Variants in ECD observed in about 807,000 individuals in gnomAD.
ECD encodes the protein ecdysoneless cell cycle regulator, also known as protein ecdysoneless homolog.
In ECD, 59 loss-of-function variants were observed where a neutral mutation model predicts 77.2. That is an observed-to-expected ratio of 0.76 (90% confidence interval 0.62 to 0.95). ECD has a LOEUF of 0.95. Among genes scored for constraint, ECD ranks in the 40% least tolerant of loss-of-function variants. The probability of loss-of-function intolerance (pLI) is 0.00; values close to 1 mark genes in which losing one functional copy is unlikely to be tolerated. For missense variants in ECD, 704 were observed against 763.4 expected, an observed-to-expected ratio of 0.92 and a Z score of 0.92; for synonymous variants, 233 against 267.4, an observed-to-expected ratio of 0.87 and a Z score of 1.26.
At chr10:73,160,411 A>T (rs1589121828) in intron 3 of ECD, 23 bp downstream of exon 3, 1 of 1,487,370 alleles carries the variant, frequency 6.7e-7, no homozygotes, top group African/African-American at 1.4e-5. Flanking sequence ...ATTCCTTTAG[A>T]ATAATTAAAA....
intron 2 of ECD, 97 bp downstream of exon 2, chr10:73,163,636 T>C: frequency 8.1e-7 from 1 of 1,228,158 alleles, no homozygotes; most frequent in African/African-American, 1.5e-5. Flanking sequence ...ATTAATCTCT[T>C]CCTGGCAACA....
intron 9 of ECD, among the ~76,000 whole-genome samples, chr10:73,144,219 A>C (rs1843095318): frequency 6.6e-6 from 1 of 152,182 alleles, no homozygotes; most frequent in Non-Finnish European, 1.5e-5. Flanking sequence ...TTATTGATGG[A>C]TACTTTGGTT....
rs755484131 is a variant in ECD at position 73,139,630 on chromosome 10, C to T, written c.1234+1G>A. On this transcript the variant is annotated splice_donor_variant, in intron 10 of 13. Transcript: ENST00000372979. LOFTEE classifies it high-confidence loss of function. The stretch of plus-strand genomic sequence containing the variant: ...CCACTGTATCCTGGTCCATCACTTA[C>T]CATCCTCTGGGGGAAGATTAGCTGC... 3 of 1,605,058 alleles carry T rather than the reference C, an allele frequency of 1.9e-6. No homozygotes were observed. In the South Asian group the frequency reaches 3.4e-5, roughly 18 times the overall value.
Position 73,156,272 on chromosome 10 carries a change from T to C in ECD, c.590+3A>G. ...TTAGCAATGAAAGTGATATTTTTCT[T>C]ACCCTCTGATGCGCCTATTCACAGC... On this transcript the variant is annotated splice_donor_region_variant and intron_variant, in intron 5 of 13. Transcript: ENST00000372979. The C allele has an allele frequency of 6.4e-7, 1 of 1,559,538 alleles. No homozygotes were observed. The highest frequency in any genetic ancestry group is 8.6e-7 in the Non-Finnish European group (1 of 1,157,902).
chr10:73,137,964 C>T lies in ECD; in HGVS notation c.1489+39G>A, dbSNP rs376391394. 18 of 1,477,106 alleles carry T rather than the reference C, an allele frequency of 1.2e-5. No individual in the cohort carries two copies. In the African/African-American group the frequency reaches 1.9e-4, roughly 16 times the overall value. The allele number at this position is 1,477,106 out of a possible 1,614,324, so 91.5% of individuals were successfully genotyped here. ...GCTCTAGCAACAGCCATACTACTAA[C>T]AGTTTCAAAATGAAAGTCAACATCA... On this transcript the variant is annotated intron_variant, in intron 12 of 13. Coordinates refer to ENST00000372979, the MANE Select transcript of ECD (RefSeq NM_007265.3).
chr10:73,145,834 G>C (rs565650285), intron 9 of ECD, among the ~76,000 whole-genome samples: 1 of 151,960 alleles, frequency 6.6e-6, no homozygotes, highest in East Asian at 1.9e-4. Context: ...TAGTAGATAC[G>C]GGGTTTCACC....
At chr10:73,155,660 G>A (rs1424004506) in intron 5 of ECD, among the ~76,000 whole-genome samples, 2 of 147,732 alleles carry the variant, frequency 1.4e-5, no homozygotes, top group African/African-American at 5.0e-5. Flanking sequence ...GTGCAGTGGC[G>A]TGATCTCAGC....
chr10:73,160,939 G>T (rs1589122037), intron 2 of ECD, among the ~76,000 whole-genome samples: 1 of 152,182 alleles, frequency 6.6e-6, no homozygotes, highest in African/African-American at 2.4e-5. Flanking sequence ...ATACCAGGAC[G>T]CTAGATTTGG....
At chr10:73,157,414 A>T (rs1165815874) in intron 3 of ECD, among the ~76,000 whole-genome samples, 1 of 151,810 alleles carries the variant, frequency 6.6e-6, no homozygotes, top group African/African-American at 2.4e-5. Flanking sequence ...ACATTTTTTA[A>T]AAAAATGTAT....
intron 7 of ECD, among the ~76,000 whole-genome samples, chr10:73,151,521 C>G (rs1453311269): frequency 7.3e-6 from 1 of 136,644 alleles, no homozygotes. Flanking sequence ...AAACTTAAAG[C>G]ATAATAATAA....
intron 5 of ECD, 118 bp from the exon 6 acceptor site, chr10:73,154,566 CAA>C: frequency 2.1e-6 from 2 of 940,520 alleles, no homozygotes; most frequent in Non-Finnish European, 3.0e-6. Flanking sequence ...TAGAGAGTGA[CAA>C]GAGAGATGAA....
chr10:73,163,770 C>G lies in ECD; in HGVS notation c.168G>C (p.Gln56His). The change falls in exon 2 of 14, where the codon CAG becomes CAC. Residue 56 changes from glutamine (Q) to histidine (H), a missense_variant. By Grantham distance (24) the Gln-to-His change is conservative. Around this residue, in one of 3 missense-constraint regions of ECD, gnomAD observed 559 missense variants for 583.7 expected, o/e 0.96. Transcript: ENST00000372979. ...TATATTTAAGATTGAAAGGCTGATT[C>G]TGCCAGATGTAGGGGACCAGCATAG... is the stretch of plus-strand genomic sequence containing the variant. ...FAPMLVPYIWQNQPFNLKYKP... is the reference protein window; with the variant it reads ...FAPMLVPYIWHNQPFNLKYKP... 1.2e-6 allele frequency: 2 copies of G among 1,614,130 alleles called. No individual in the cohort carries two copies. The highest frequency in any genetic ancestry group is 2.2e-5 in the South Asian group (2 of 91,068).
chr10:73,136,168 T>C (rs1169058933), intron 13 of ECD, among the ~76,000 whole-genome samples: 1 of 152,196 alleles, frequency 6.6e-6, no homozygotes, highest in Admixed American at 6.5e-5. Flanking sequence ...AGTGGTGGCA[T>C]TAAAAACTAG....
chr10:73,167,348 T>A (rs2037351300), intron 1 of ECD, among the ~76,000 whole-genome samples: 1 of 152,174 alleles, frequency 6.6e-6, no homozygotes, highest in South Asian at 2.1e-4. Context: ...TCACTGGTAT[T>A]TTGATGGAGG....
intron 8 of ECD, 47 bp downstream of exon 8, chr10:73,148,229 T>G: frequency 6.3e-7 from 1 of 1,598,030 alleles, no homozygotes; most frequent in South Asian, 1.1e-5. Context: ...GCTGGCTTGA[T>G]TTTCCCTGGA....
intron 7 of ECD, among the ~76,000 whole-genome samples, chr10:73,151,559 A>G (rs1348182545): frequency 2.0e-5 from 3 of 152,038 alleles, no homozygotes; most frequent in Non-Finnish European, 4.4e-5. Flanking sequence ...AGACATTCCT[A>G]TCAATGTCTA....
chr10:73,148,349 T>C lies in ECD; in HGVS notation c.968A>G (p.Lys323Arg), dbSNP rs1589116479. 1 of 1,613,982 alleles carries C rather than the reference T, an allele frequency of 6.2e-7. No homozygotes were observed. The highest frequency in any genetic ancestry group is 8.5e-7 in the Non-Finnish European group (1 of 1,179,906). ...TGGTGAGGCAGTCACAAGGGATTTC[T>C]TGCAGTCAGAAAAATGTGGGCTACA... ...SKCSPHFSDC[K>R]KSLVTASPLW... The change falls in exon 8 of 14, where the codon AAG (lysine) becomes AGG (arginine). Residue 323 changes from lysine (K) to arginine (R), a missense_variant. Physicochemically the swap from Lys to Arg is conservative, Grantham distance 26 (BLOSUM62 2). Coordinates refer to ENST00000372979, the MANE Select transcript of ECD (RefSeq NM_007265.3).
In ECD at chr10:73,139,504, G is replaced by A. The variant is rs1470331096; in HGVS notation, c.1235-9C>T. On this transcript the variant is annotated splice_polypyrimidine_tract_variant and intron_variant, in intron 10 of 13. Transcript: ENST00000372979. Reference sequence around the variant, plus strand: ...ATCTAACCACTGGTCATCTGAAAAAGAAGAAAGCATAATACTGCCATTCTA... The same window carrying A: ...ATCTAACCACTGGTCATCTGAAAAAAAAGAAAGCATAATACTGCCATTCTA... 3 of 1,612,206 alleles carry A rather than the reference G, an allele frequency of 1.9e-6. No individual in the cohort carries two copies. In the South Asian group the frequency reaches 3.3e-5, roughly 18 times the overall value.
At chr10:73,166,350 A>G (rs1843462514) in intron 1 of ECD, among the ~76,000 whole-genome samples, 1 of 152,128 alleles carries the variant, frequency 6.6e-6, no homozygotes, top group Admixed American at 6.5e-5. Flanking sequence ...CAACAGTGGG[A>G]CTGCTGGATC....
Sources: allele counts gnomAD v4.1 joint callset (sites outside exome capture counted in the v4.1 genomes callset), GRCh38; gene constraint gnomAD v4.1.1; regional missense constraint gnomAD v4.1.1; transcripts MANE v1.5; gene names NCBI Gene and HGNC (gene_info 2026-07-23, HGNC 2026-07-21).